Variants in OSBPL5 observed in about 807,000 individuals in gnomAD.
OSBPL5 encodes the protein oxysterol binding protein like 5, also known as oxysterol-binding protein-related protein 5.
Under a neutral mutation model 111.2 loss-of-function variants are expected in OSBPL5, and 71 were observed. That is an observed-to-expected ratio of 0.64 (90% confidence interval 0.53 to 0.78). The LOEUF is 0.78. Among genes scored for constraint, OSBPL5 ranks in the 30% least tolerant of loss-of-function variants. OSBPL5 has a pLI of 0.00. For missense variants in OSBPL5, 1,210 were observed against 1,189.3 expected, an observed-to-expected ratio of 1.02 and a Z score of -0.26; for synonymous variants, 549 against 513.9, an observed-to-expected ratio of 1.07 and a Z score of -0.93.
At chr11:3,100,962 GTTTCA>G (rs1428082088) in intron 13 of OSBPL5, among the ~76,000 whole-genome samples, 2 of 144,872 alleles carry the variant, frequency 1.4e-5, no homozygotes, top group East Asian at 4.0e-4. Context: ...TGCAGTTTCA[GTTTCA>G]TTTCTTTTTT....
rs1465502095 is a variant in OSBPL5, at chr11:3,154,295, T to C, written c.-22+10921A>G. On this transcript the variant is annotated intron_variant, in intron 1 of 21. Transcript: ENST00000263650. This position sits in a 1 kb window ranked among gnomAD's most constrained non-coding sequence, Gnocchi z 4.9. ...TGCCAGTAGGTAGCAGGATGTGTCG[T>C]AGAGGGCTTGCTGACCCCAAACATG... Among the ~76,000 whole-genome samples, 1 of 152,198 alleles carries C rather than the reference T, an allele frequency of 6.6e-6. No homozygotes were observed. Among genetic ancestry groups the C allele is most frequent in the African/African-American group, 2.4e-5 (1 of 41,446 alleles).
At chr11:3,089,595 C>T (rs1856987916) in intron 21 of OSBPL5, among the ~76,000 whole-genome samples, 1 of 152,228 alleles carries the variant, frequency 6.6e-6, no homozygotes, top group African/African-American at 2.4e-5. Flanking sequence ...TTCAGGACAT[C>T]TCCAGCTCAG....
intron 1 of OSBPL5, among the ~76,000 whole-genome samples, chr11:3,147,346 C>A (rs1846390519): frequency 6.6e-6 from 1 of 152,226 alleles, no homozygotes; most frequent in Non-Finnish European, 1.5e-5. Context: ...CTGGGCACGG[C>A]TCCTGCCTCT....
Position 3,105,394 on chromosome 11 carries a change from T to C in OSBPL5, c.1060-1017A>G, listed in dbSNP as rs4237781. On this transcript the variant is annotated intron_variant, in intron 9 of 21. Coordinates refer to ENST00000263650, the MANE Select transcript of OSBPL5 (RefSeq NM_020896.4). This position sits in a 1 kb window ranked among gnomAD's most constrained non-coding sequence, Gnocchi z 5.2. ...TGGCACTGGCCCAGTGGACAGTGTG[T>C]GTGGACACCCAGGAGCCATGTCTGA... Among the ~76,000 whole-genome samples the C allele has an allele frequency of 0.9, 136,597 of 152,100 alleles. 61,415 individuals carry two copies. The highest frequency in any genetic ancestry group is 0.94 in the African/African-American group (38,950 of 41,496).
chr11:3,107,528 C>T lies in OSBPL5; in HGVS notation c.867-73G>A. 6.6e-7 allele frequency: 1 copy of T among 1,523,872 alleles called. No homozygotes were observed. Among genetic ancestry groups the T allele is most frequent in the African/African-American group, 1.4e-5 (1 of 72,618 alleles). The allele number at this position is 1,523,872 out of a possible 1,614,324, so 94.4% of individuals were successfully genotyped here. A position where few individuals can be genotyped will look rare whatever the true frequency, so the allele number is the denominator to read the frequency against. On this transcript the variant is annotated intron_variant, in intron 8 of 21. Coordinates refer to ENST00000263650, the MANE Select transcript of OSBPL5 (RefSeq NM_020896.4). The surrounding 1 kb of genome is among the most constrained non-coding windows in gnomAD (Gnocchi z 6.1). ...AGCACAGCCCTCTGGGCTGCCCACC[C>T]CTCGCTGCTCCGCACTTCACATACG... is the stretch of plus-strand genomic sequence containing the variant.
rs1858414931 is a variant in OSBPL5, at chr11:3,121,472, G to C, written c.402+525C>G. 6.6e-6 allele frequency among the ~76,000 whole-genome samples: 1 copy of C among 151,812 alleles called. No individual in the cohort carries two copies. Among genetic ancestry groups the C allele is most frequent in the South Asian group, 2.1e-4 (1 of 4,806 alleles). On this transcript the variant is annotated intron_variant, in intron 5 of 21. Coordinates refer to ENST00000263650, the MANE Select transcript of OSBPL5 (RefSeq NM_020896.4). This position sits in a 1 kb window ranked among gnomAD's most constrained non-coding sequence, Gnocchi z 4.3. ...TATGCGGGTAGAAGGAGCCTACATG[G>C]GCCTGGGCTCTGCAGACACCAGGGC... is the stretch of plus-strand genomic sequence containing the variant.
At chr11:3,157,354 G>A (rs1218278948) in intron 1 of OSBPL5, among the ~76,000 whole-genome samples, 1 of 152,214 alleles carries the variant, frequency 6.6e-6, no homozygotes, top group Non-Finnish European at 1.5e-5. Context: ...AGGTCACCCT[G>A]ATGAGACAGG....
intron 3 of OSBPL5, among the ~76,000 whole-genome samples, chr11:3,125,698 G>A (rs532560147): frequency 1.8e-4 from 27 of 152,134 alleles, no homozygotes; most frequent in African/African-American, 4.8e-4. Flanking sequence ...CCAGCTACTC[G>A]GGAGGCTGAG....
intron 7 of OSBPL5, among the ~76,000 whole-genome samples, chr11:3,117,200 A>C (rs530366328): frequency 1.3e-5 from 2 of 152,348 alleles, no homozygotes; most frequent in Non-Finnish European, 2.9e-5. Context: ...TAAGGACTCA[A>C]ACTTGACTTA....
At position 3,104,969 on chromosome 11, in the gene OSBPL5, C is replaced by T. The variant is rs745881962; in HGVS notation, c.1060-592G>A. 3.9e-4 allele frequency among the ~76,000 whole-genome samples: 60 copies of T among 152,158 alleles called. No individual in the cohort carries two copies. Among genetic ancestry groups the T allele is most frequent in the Non-Finnish European group, 5.9e-4 (40 of 68,026 alleles). ...GGCATGTGAACTCACCCCTCACTTC[C>T]GAAGCCTGTGTGCCCCTCACGAAGG... On this transcript the variant is annotated intron_variant, in intron 9 of 21. Transcript: ENST00000263650. The surrounding 1 kb of genome is among the most constrained non-coding windows in gnomAD (Gnocchi z 5.0).
rs1048113021 is a variant in OSBPL5 at position 3,161,453 on chromosome 11, T to C, written c.-22+3763A>G. ...GAAACCAGGACATGGTGGGTGGGAC[T>C]TGCTAGATGGGGGCAGCCAGTCTCA... On this transcript the variant is annotated intron_variant, in intron 1 of 21. Transcript: ENST00000263650. The surrounding 1 kb of genome is among the most constrained non-coding windows in gnomAD (Gnocchi z 8.0). 3 of 152,188 alleles carry C rather than the reference T, an allele frequency of 2.0e-5. No individual in the cohort carries two copies. The highest frequency in any genetic ancestry group is 6.5e-5 in the Admixed American group (1 of 15,274). 9.4% of individuals were successfully genotyped at this position (152,188 alleles called of 1,614,324 possible). A position where few individuals can be genotyped will look rare whatever the true frequency, so the allele number is the denominator to read the frequency against.
rs369569822 is a variant in OSBPL5 at position 3,121,977 on chromosome 11, G to A, written c.402+20C>T. ...ACGCTGACCCGTGTCCTGGGTGGCC[G>A]GAGGCCGGGCATCACCTACCTTCAG... On this transcript the variant is annotated intron_variant, in intron 5 of 21. Coordinates refer to ENST00000263650, the MANE Select transcript of OSBPL5 (RefSeq NM_020896.4). The surrounding 1 kb of genome is among the most constrained non-coding windows in gnomAD (Gnocchi z 4.3). 25 of 1,544,688 alleles carry A rather than the reference G, an allele frequency of 1.6e-5. No homozygotes were observed. In the South Asian group the frequency reaches 2.0e-4, roughly 12 times the overall value.
chr11:3,134,980 C>T (rs1845910640), intron 1 of OSBPL5, among the ~76,000 whole-genome samples: 3 of 152,304 alleles, frequency 2.0e-5, no homozygotes, highest in African/African-American at 7.2e-5. Context: ...CATGGAAGGC[C>T]CCCCTTTCTC....
chr11:3,089,874 T>C lies in OSBPL5; in HGVS notation c.2473A>G (p.Ile825Val). ...LQALHEAILS[I>V]REAQQELHRH... is the part of the protein sequence containing the mutation. ...TGCAGCTCCTGCTGGGCCTCTCGGA[T>C]GGAGAGGATGGCCTCGTGCAGGGCC... Residue 825 changes from isoleucine to valine, a missense_variant, in exon 21 of 22, where the codon ATC (isoleucine) becomes GTC (valine). By Grantham distance (29) the Ile-to-Val change is conservative. Transcript: ENST00000263650. 1 of 1,564,278 alleles carries C rather than the reference T, an allele frequency of 6.4e-7. No homozygotes were observed. Among genetic ancestry groups the C allele is most frequent in the Non-Finnish European group, 8.7e-7 (1 of 1,154,838 alleles).
intron 1 of OSBPL5, among the ~76,000 whole-genome samples, chr11:3,136,225 A>G (rs1374339389): frequency 3.3e-5 from 5 of 152,202 alleles, no homozygotes; most frequent in Non-Finnish European, 5.9e-5. Flanking sequence ...GCCAGTGCAC[A>G]TGGCCCCCCT....
At position 3,150,656 on chromosome 11, in the gene OSBPL5, C is replaced by T. The variant is rs1013186451; in HGVS notation, c.-22+14560G>A. On this transcript the variant is annotated intron_variant, in intron 1 of 21. Coordinates refer to ENST00000263650, the MANE Select transcript of OSBPL5 (RefSeq NM_020896.4). ...GGGGGAGCAGAACTCTTCCCTTCCC[C>T]GGGGTCTCCCCCGTGGCCACACCCA... Among the ~76,000 whole-genome samples the T allele has an allele frequency of 9.2e-5, 14 of 152,330 alleles. No individual in the cohort carries two copies. The South Asian group carries it at 1.7e-3, about 18-fold the overall frequency.
chr11:3,147,204 A>T (rs1199891216), intron 1 of OSBPL5, among the ~76,000 whole-genome samples: 1 of 152,132 alleles, frequency 6.6e-6, no homozygotes. Context: ...CCTGCTCCAG[A>T]GTCAGGGGCT....
intron 15 of OSBPL5, 111 bp downstream of exon 15, chr11:3,094,126 T>C (rs994546019): frequency 4.7e-6 from 5 of 1,054,110 alleles, no homozygotes; most frequent in Middle Eastern, 2.3e-4. Context: ...GCTCCCCTTA[T>C]GTGCACTGCC....
intron 3 of OSBPL5, among the ~76,000 whole-genome samples, chr11:3,125,361 A>T (rs183497629): frequency 8.1e-4 from 123 of 152,366 alleles, no homozygotes; most frequent in African/African-American, 2.9e-3. Flanking sequence ...CAAACAACCC[A>T]TTCCAAAAAT....
Sources: gnomAD v4.1 joint callset for allele counts (sites outside exome capture counted in the v4.1 genomes callset) on GRCh38, gnomAD v4.1.1 for gene constraint, Gnocchi (gnomAD v3.1) non-coding constraint, MANE v1.5 for transcripts, NCBI Gene and HGNC (gene_info 2026-07-23, HGNC 2026-07-21) for gene names.